The following LDB3 variants were observed in gnomAD, a reference collection of about 807,000 sequenced individuals.
LDB3 encodes LIM domain-binding protein 3.
A neutral mutation model predicts 69.0 loss-of-function variants in LDB3; 49 were observed. The observed-to-expected ratio is 0.71, with a 90% CI of 0.56 to 0.90. LDB3 has a LOEUF of 0.90. Ranked by LOEUF, LDB3 falls within the 40% of genes least tolerant of loss-of-function variation. The pLI, the probability that LDB3 is intolerant of heterozygous loss-of-function variation, is 0.00. For synonymous variants in LDB3, 387 were observed against 396.2 expected (o/e 0.98, Z 0.28); for missense variants, 928 against 974.1 (o/e 0.95, Z 0.63).
rs199638925 is a variant in LDB3 at position 86,731,972 on chromosome 10, A to AT, written c.2095-908dup. Among the ~76,000 whole-genome samples the AT allele has an allele frequency of 9.3e-3, 1,241 of 134,004 alleles. 24 individuals are homozygous for AT. The highest frequency in any genetic ancestry group is 0.033 in the African/African-American group (1,168 of 35,024). The allele number at this position is 134,004 out of a possible 152,430, so 87.9% of individuals were successfully genotyped here. A position where few individuals can be genotyped will look rare whatever the true frequency, so the allele number is the denominator to read the frequency against. On this transcript the variant is annotated intron_variant, in intron 13 of 13. Coordinates refer to ENST00000361373, the MANE Select transcript of LDB3 (RefSeq NM_007078.3). The stretch of plus-strand genomic sequence containing the variant: ...GTATCTCAGGGCAGTTTTTCTTGTA[A>AT]TTTTTTTAACTAATTTTCTTTTCTT...
chr10:86,701,547 G>A (rs1427477536), intron 7 of LDB3, among the ~76,000 whole-genome samples: 2 of 152,228 alleles, frequency 1.3e-5, no homozygotes, highest in Non-Finnish European at 2.9e-5. Flanking sequence ...ATTTGTGGAG[G>A]TGCCTGACTA....
chr10:86,710,768 C>T lies in LDB3; in HGVS notation c.1231+718C>T, dbSNP rs79647013. On this transcript the variant is annotated intron_variant, in intron 9 of 13. Coordinates refer to ENST00000361373, the MANE Select transcript of LDB3 (RefSeq NM_007078.3). ...AGTCAGGGCAGGCCTTGCTTCGGGG[C>T]GCTGGTTCATGAAGCTCGCTCTGAC... is the stretch of plus-strand genomic sequence containing the variant. 6.2e-3 allele frequency among the ~76,000 whole-genome samples: 938 copies of T among 152,350 alleles called. 13 individuals are homozygous for T. The highest frequency in any genetic ancestry group is 0.021 in the African/African-American group (884 of 41,582).
intron 12 of LDB3, among the ~76,000 whole-genome samples, chr10:86,725,787 G>A (rs540197936): frequency 6.6e-6 from 1 of 152,310 alleles, no homozygotes; most frequent in East Asian, 1.9e-4. Flanking sequence ...AAGCATAGAT[G>A]TTTGGAAATG....
At chr10:86,686,127 C>T (rs777833870) in intron 5 of LDB3, among the ~76,000 whole-genome samples, 9 of 152,102 alleles carry the variant, frequency 5.9e-5, no homozygotes, top group African/African-American at 2.2e-4. Flanking sequence ...GAAGAGCCTC[C>T]TGTGGGTAGA....
chr10:86,698,350 G>A (rs575010049), intron 7 of LDB3, among the ~76,000 whole-genome samples: 8 of 152,182 alleles, frequency 5.3e-5, no homozygotes, highest in African/African-American at 1.4e-4. Flanking sequence ...TGGAAGCACC[G>A]TACAGGTTAA....
rs756824813 is a variant in LDB3 at position 86,716,696 on chromosome 10, G to T, written c.1601G>T (p.Gly534Val). ...CCTCAGGTGCCACCACTTGCCAGGG[G>T]GACCGTCCAGAGGGCTGAGCGATTC... is the stretch of plus-strand genomic sequence containing the variant. ...AGPQVPPLAR[G>V]TVQRAERFPA... Residue 534 changes from glycine to valine, a missense_variant, in exon 10 of 14, where the codon GGG becomes GTG. By Grantham distance (109) the Gly-to-Val change is moderately radical (BLOSUM62 -3). Coordinates refer to ENST00000361373, the MANE Select transcript of LDB3 (RefSeq NM_007078.3). The T allele has an allele frequency of 6.2e-7, 1 of 1,613,734 alleles. No homozygotes were observed. The highest frequency in any genetic ancestry group is 8.5e-7 in the Non-Finnish European group (1 of 1,179,978).
intron 4 of LDB3, among the ~76,000 whole-genome samples, chr10:86,680,844 T>G (rs1845075491): frequency 6.6e-6 from 1 of 152,122 alleles, no homozygotes; most frequent in Non-Finnish European, 1.5e-5. Context: ...TGGGGCAGAT[T>G]GGGCAGGGCA....
intron 5 of LDB3, among the ~76,000 whole-genome samples, chr10:86,682,933 G>C (rs1171382967): frequency 1.3e-5 from 2 of 150,366 alleles, no homozygotes; most frequent in African/African-American, 5.0e-5. Context: ...GTGGCCCTCA[G>C]CTTCCCCACC....
rs397516560 is a variant in LDB3, at chr10:86,699,297, C to G, written c.896+6726C>G. ...CCACAGGGAAAGGTTTGAAACGGAA[C>G]GTAACAGCCCACGTTTTGCCAAATT... On this transcript the variant is annotated intron_variant, in intron 7 of 13. Coordinates refer to ENST00000361373, the MANE Select transcript of LDB3 (RefSeq NM_007078.3). This position sits in a 1 kb window ranked among gnomAD's most constrained non-coding sequence, Gnocchi z 4.9. The G allele has an allele frequency of 6.2e-7, 1 of 1,613,274 alleles. No individual in the cohort carries two copies. Among genetic ancestry groups the G allele is most frequent in the Non-Finnish European group, 8.5e-7 (1 of 1,179,800 alleles).
In LDB3 at chr10:86,716,671, C is replaced by G. The variant is rs1321059758; in HGVS notation, c.1576C>G (p.Pro526Ala). The G allele has an allele frequency of 1.2e-6, 2 of 1,613,882 alleles. No individual in the cohort carries two copies. Among genetic ancestry groups the G allele is most frequent in the Non-Finnish European group, 1.7e-6 (2 of 1,180,024 alleles). The change falls in exon 10 of 14, where the codon CCT becomes GCT. Residue 526 changes from proline (P) to alanine (A), a missense_variant. Physicochemically the swap from Pro to Ala is conservative, Grantham distance 27. Transcript: ENST00000361373. ...AGGCCCAGCCTACACCCCAGCGGGT[C>G]CTCAGGTGCCACCACTTGCCAGGGG... ...RGGPAYTPAG[P>A]QVPPLARGTV... is the part of the protein sequence containing the mutation.
intron 5 of LDB3, among the ~76,000 whole-genome samples, chr10:86,682,980 T>C (rs11202124): frequency 0.18 from 27,099 of 151,936 alleles, 3,982 homozygotes; most frequent in African/African-American, 0.39. Context: ...TGAAGCTGAT[T>C]TCTGGCACCA....
At chr10:86,686,999 C>A (rs1049124321) in intron 5 of LDB3, 35 of 1,469,614 alleles carry the variant, frequency 2.4e-5, no homozygotes, top group Middle Eastern at 2.3e-4. Context: ...CCTTGGCCAC[C>A]CATGTAACCG....
rs779076719 is a variant in LDB3, at chr10:86,717,953, T to C, written c.1677-11T>C. The C allele has an allele frequency of 9.3e-6, 15 of 1,613,724 alleles. No individual in the cohort carries two copies. In the Admixed American group the frequency reaches 2.5e-4, roughly 27 times the overall value. On this transcript the variant is annotated splice_polypyrimidine_tract_variant and intron_variant, in intron 10 of 13. Coordinates refer to ENST00000361373, the MANE Select transcript of LDB3 (RefSeq NM_007078.3). ...AGCTGCCTTACTGGGTGCCATTCTGTGCTTCCCCAGGGGCCCATTTCTGGT... is the reference window on the plus strand; with the variant it reads ...AGCTGCCTTACTGGGTGCCATTCTGCGCTTCCCCAGGGGCCCATTTCTGGT...
chr10:86,674,621 G>T (rs7074015), intron 2 of LDB3, among the ~76,000 whole-genome samples: 6,616 of 152,286 alleles, frequency 0.043, 430 homozygotes, highest in African/African-American at 0.15. Context: ...CCATTGGCGG[G>T]AGAAGACTGA....
At chr10:86,710,100 C>T in intron 9 of LDB3, 50 bp downstream of exon 9, 1 of 1,599,916 alleles carries the variant, frequency 6.3e-7, no homozygotes, top group East Asian at 2.3e-5. Context: ...GGGCGGGCTC[C>T]AGGAGCCACA....
chr10:86,702,158 A>G (rs1351830534), intron 7 of LDB3, among the ~76,000 whole-genome samples: 1 of 152,152 alleles, frequency 6.6e-6, no homozygotes, highest in Non-Finnish European at 1.5e-5. Context: ...TCATCACCCA[A>G]TCAACAGAGA....
chr10:86,700,448 G>A lies in LDB3; in HGVS notation c.897-6083G>A, dbSNP rs74687066. On this transcript the variant is annotated intron_variant, in intron 7 of 13. Coordinates refer to ENST00000361373, the MANE Select transcript of LDB3 (RefSeq NM_007078.3). ...TCACAGGAAGGAGCTACTTATGCTC[G>A]ATCCTGGTCCAGAGGCGAGAGAAGG... 6.3e-3 allele frequency among the ~76,000 whole-genome samples: 966 copies of A among 152,302 alleles called. 15 individuals are homozygous for A. Among genetic ancestry groups the A allele is most frequent in the African/African-American group, 0.022 (927 of 41,552 alleles).
chr10:86,718,889 G>A, intron 12 of LDB3, 42 bp downstream of exon 12: 1 of 1,612,550 alleles, frequency 6.2e-7, no homozygotes, highest in Non-Finnish European at 8.5e-7. Flanking sequence ...CCCACAGCCT[G>A]GGAGAAAGGG....
At chr10:86,668,646 C>A (rs1261216949) in intron 1 of LDB3, 23 bp from the exon 2 acceptor site, 3 of 1,490,586 alleles carry the variant, frequency 2.0e-6, no homozygotes, top group Non-Finnish European at 1.9e-6. Flanking sequence ...TCTCACTCAA[C>A]CCTCTCTACC....
Sources: allele counts gnomAD v4.1 joint callset (sites outside exome capture counted in the v4.1 genomes callset), GRCh38; gene constraint gnomAD v4.1.1; non-coding constraint Gnocchi (gnomAD v3.1); transcripts MANE v1.5; gene names NCBI Gene and HGNC (gene_info 2026-07-23, HGNC 2026-07-21).